EDIL3: variants seen among roughly 807,000 people sequenced by gnomAD.
EDIL3 encodes EGF-like repeat and discoidin I-like domain-containing protein 3.
EDIL3 carries 37 observed loss-of-function variants against 67.4 expected under a neutral mutation model. The observed-to-expected ratio is 0.55, with a 90% CI of 0.42 to 0.72. The LOEUF (loss-of-function observed/expected upper bound fraction) is 0.72, where lower values mean the gene tolerates loss of function less well. Ranked by LOEUF, EDIL3 falls within the 30% of genes least tolerant of loss-of-function variation. The pLI, the probability that EDIL3 is intolerant of heterozygous loss-of-function variation, is 0.00. For missense variants in EDIL3, 527 were observed against 586.3 expected, an observed-to-expected ratio of 0.90 and a Z score of 1.04; for synonymous variants, 195 against 196.3, an observed-to-expected ratio of 0.99 and a Z score of 0.05.
intron 1 of EDIL3, among the ~76,000 whole-genome samples, chr5:84,296,098 T>C (rs1026327259): frequency 6.6e-6 from 1 of 152,248 alleles, no homozygotes; most frequent in African/African-American, 2.4e-5. Context: ...CAACAAACTT[T>C]GTATCTGACA....
At chr5:84,326,880 C>A (rs968992287) in intron 1 of EDIL3, among the ~76,000 whole-genome samples, 1 of 151,496 alleles carries the variant, frequency 6.6e-6, no homozygotes, top group African/African-American at 2.4e-5. Flanking sequence ...TTGTTTTTAA[C>A]CTTTTAAAAA....
At chr5:83,996,986 C>G in intron 9 of EDIL3, among the ~76,000 whole-genome samples, 1 of 152,098 alleles carries the variant, frequency 6.6e-6, no homozygotes, top group Non-Finnish European at 1.5e-5. Flanking sequence ...AGTGAACAGG[C>G]AGGAAGACAG....
At chr5:84,208,851 T>C (rs1218024744) in intron 3 of EDIL3, among the ~76,000 whole-genome samples, 1 of 151,670 alleles carries the variant, frequency 6.6e-6, no homozygotes, top group African/African-American at 2.4e-5. Flanking sequence ...GAAATACCAT[T>C]TGACCCAGCC....
intron 1 of EDIL3, among the ~76,000 whole-genome samples, chr5:84,347,592 T>G (rs1747261868): frequency 6.6e-6 from 1 of 152,168 alleles, no homozygotes; most frequent in Non-Finnish European, 1.5e-5. Context: ...GAAGATTAAT[T>G]TTGGAGAAAA....
At chr5:84,029,111 GC>G (rs1462492319) in intron 9 of EDIL3, among the ~76,000 whole-genome samples, 4 of 152,146 alleles carry the variant, frequency 2.6e-5, no homozygotes, top group African/African-American at 4.8e-5. Context: ...CAAAAAATTA[GC>G]CAGGTGTGGT....
chr5:84,226,610 ATT>A (rs1367652701), intron 3 of EDIL3, among the ~76,000 whole-genome samples: 6 of 151,848 alleles, frequency 4.0e-5, no homozygotes. Flanking sequence ...AAAGGAAAAC[ATT>A]TGTTTCCCAT....
chr5:84,216,951 C>T (rs1164671819), intron 3 of EDIL3, among the ~76,000 whole-genome samples: 1 of 152,088 alleles, frequency 6.6e-6, no homozygotes, highest in African/African-American at 2.4e-5. Context: ...ACTTCATAGG[C>T]AGTAGACAGC....
chr5:83,957,390 T>A (rs116060474), intron 10 of EDIL3, among the ~76,000 whole-genome samples: 1,762 of 151,804 alleles, frequency 0.012, 36 homozygotes, highest in African/African-American at 0.04. Context: ...AAGAACAGCA[T>A]GAGTATTATT....
intron 1 of EDIL3, among the ~76,000 whole-genome samples, chr5:84,258,356 G>A (rs1054586396): frequency 3.3e-5 from 5 of 152,148 alleles, no homozygotes; most frequent in Middle Eastern, 3.2e-3. Context: ...GGGGATGGTC[G>A]GGACAGGATT....
intron 3 of EDIL3, among the ~76,000 whole-genome samples, chr5:84,180,933 G>A (rs1749002466): frequency 6.6e-6 from 1 of 152,156 alleles, no homozygotes; most frequent in African/African-American, 2.4e-5. Flanking sequence ...CCTTCTGGGT[G>A]TTTAAAAAGT....
rs980048622 is a variant in EDIL3, at chr5:84,141,930, T to G, written c.356-4576A>C. Among the ~76,000 whole-genome samples the G allele has an allele frequency of 2.9e-3, 360 of 125,598 alleles. 8 individuals are homozygous for G. Among genetic ancestry groups the G allele is most frequent in the African/African-American group, 0.01 (327 of 32,256 alleles). The allele number at this position is 125,598 out of a possible 152,430, so 82.4% of individuals were successfully genotyped here. ...TCATATATATATATATATACACATATATATATATATATATATACATAGATC... is the reference window on the plus strand; with the variant it reads ...TCATATATATATATATATACACATAGATATATATATATATATACATAGATC... On this transcript the variant is annotated intron_variant, in intron 4 of 10. Transcript: ENST00000296591.
chr5:84,073,219 G>A (rs1746777284), intron 6 of EDIL3, among the ~76,000 whole-genome samples: 1 of 152,110 alleles, frequency 6.6e-6, no homozygotes, highest in African/African-American at 2.4e-5. Context: ...GGCTATCTAT[G>A]ACAAACCCAC....
Position 83,969,880 on chromosome 5 carries a change from A to C in EDIL3, c.1138-6520T>G, listed in dbSNP as rs146041642. Among the ~76,000 whole-genome samples the C allele has an allele frequency of 5.1e-3, 769 of 151,910 alleles. 2 individuals carry two copies. Among genetic ancestry groups the C allele is most frequent in the Middle Eastern group, 0.017 (5 of 292 alleles). The stretch of plus-strand genomic sequence containing the variant: ...AATTATCATGTCTATCATTTCAAAC[A>C]TTTATTATTTCTTTTTGTTCAGAAT... On this transcript the variant is annotated intron_variant, in intron 9 of 10. Transcript: ENST00000296591.
chr5:83,964,940 G>T (rs1744664422), intron 9 of EDIL3, among the ~76,000 whole-genome samples: 1 of 151,856 alleles, frequency 6.6e-6, no homozygotes, highest in African/African-American at 2.4e-5. Flanking sequence ...TTTTCTTCTG[G>T]GTCCTCATTT....
intron 3 of EDIL3, among the ~76,000 whole-genome samples, chr5:84,205,173 C>T (rs1743940945): frequency 6.6e-6 from 1 of 151,542 alleles, no homozygotes; most frequent in African/African-American, 2.4e-5. Flanking sequence ...GCCTAGGCAT[C>T]CAAAAGGGTT....
chr5:84,142,978 AAC>A (rs1748227356), intron 4 of EDIL3, among the ~76,000 whole-genome samples: 1 of 151,934 alleles, frequency 6.6e-6, no homozygotes, highest in South Asian at 2.1e-4. Context: ...GATCCTTAAC[AAC>A]ACATCTTCCC....
intron 3 of EDIL3, among the ~76,000 whole-genome samples, chr5:84,203,917 T>C (rs1010265944): frequency 6.6e-6 from 1 of 152,208 alleles, no homozygotes; most frequent in Non-Finnish European, 1.5e-5. Context: ...TGGAATACTA[T>C]ATGTTTTTGC....
chr5:84,039,483 C>T (rs1223334114), intron 9 of EDIL3, among the ~76,000 whole-genome samples: 1 of 152,120 alleles, frequency 6.6e-6, no homozygotes, highest in African/African-American at 2.4e-5. Context: ...AGTTAATAAA[C>T]TATTAGACTT....
At chr5:84,142,892 A>C (rs1201032183) in intron 4 of EDIL3, among the ~76,000 whole-genome samples, 1 of 138,796 alleles carries the variant, frequency 7.2e-6, no homozygotes, top group Non-Finnish European at 1.5e-5. Context: ...CCCTTGGGCT[A>C]TCTTTCCTCC....
Sources: gnomAD v4.1 joint callset for allele counts (sites outside exome capture counted in the v4.1 genomes callset) on GRCh38, gnomAD v4.1.1 for gene constraint, MANE v1.5 for transcripts, NCBI Gene and HGNC (gene_info 2026-07-23, HGNC 2026-07-21) for gene names.